Variants in PPP2R5E observed in about 807,000 individuals in gnomAD.
PPP2R5E encodes the protein serine/threonine-protein phosphatase 2A 56 kDa regulatory subunit epsilon isoform.
In PPP2R5E, 4 loss-of-function variants were observed where a neutral mutation model predicts 65.3. The observed-to-expected ratio is 0.06, with a 90% CI of 0.03 to 0.14. The LOEUF is 0.14. Among genes scored for constraint, PPP2R5E ranks in the 10% least tolerant of loss-of-function variants. The probability of loss-of-function intolerance (pLI) is 1.00; values close to 1 mark genes in which losing one functional copy is unlikely to be tolerated. For missense variants in PPP2R5E, 274 were observed against 556.1 expected (o/e 0.49, Z 5.10); for synonymous variants, 183 against 187.4 (o/e 0.98, Z 0.19).
At chr14:63,439,419 G>A (rs1888099031) in intron 3 of PPP2R5E, among the ~76,000 whole-genome samples, 1 of 151,728 alleles carries the variant, frequency 6.6e-6, no homozygotes, top group Admixed American at 6.6e-5. Context: ...TTGTTGCCCA[G>A]GCTAGAGTGC....
At chr14:63,411,153 A>T (rs1310632783) in intron 5 of PPP2R5E, among the ~76,000 whole-genome samples, 1 of 152,216 alleles carries the variant, frequency 6.6e-6, no homozygotes, top group Non-Finnish European at 1.5e-5. Context: ...TGATAAAGTT[A>T]CAAGGCCTAT....
rs1053247683 is a variant in PPP2R5E at position 63,515,133 on chromosome 14, TAGAG to T, written c.157+24392_157+24395del. 2.0e-4 allele frequency among the ~76,000 whole-genome samples: 31 copies of T among 151,842 alleles called. No homozygotes were observed. The East Asian group carries it at 4.3e-3, about 21-fold the overall frequency. On this transcript the variant is annotated intron_variant, in intron 2 of 13. Transcript: ENST00000337537. Reference sequence around the variant, plus strand: ...AAGCAAGCCCACCTGCAAAACTACTTAGAGAGGGGAAAAAAGAAGAAAAAAATAA... The same window carrying T: ...AAGCAAGCCCACCTGCAAAACTACTTAGGGGAAAAAAGAAGAAAAAAATAA...
At position 63,480,734 on chromosome 14, in the gene PPP2R5E, C is replaced by T. The variant is rs550121507; in HGVS notation, c.158-26849G>A. Among the ~76,000 whole-genome samples, 7 of 152,336 alleles carry T rather than the reference C, an allele frequency of 4.6e-5. No homozygotes were observed. In the South Asian group the frequency reaches 8.3e-4, roughly 18 times the overall value. On this transcript the variant is annotated intron_variant, in intron 2 of 13. Coordinates refer to ENST00000337537, the MANE Select transcript of PPP2R5E (RefSeq NM_006246.5). Reference sequence around the variant, plus strand: ...GTGCCGGGATTACAGGCATGAGCCACTGTGCCTGGCCAGACTCCATTTTTT... The same window carrying T: ...GTGCCGGGATTACAGGCATGAGCCATTGTGCCTGGCCAGACTCCATTTTTT...
intron 3 of PPP2R5E, 44 bp downstream of exon 3, chr14:63,453,645 T>TA: frequency 5.1e-6 from 8 of 1,576,286 alleles, no homozygotes; most frequent in Non-Finnish European, 6.9e-6. Flanking sequence ...TGAGTCACTA[T>TA]GGAAGATGCT....
chr14:63,522,681 G>A (rs1255764), intron 2 of PPP2R5E, among the ~76,000 whole-genome samples: 5,509 of 144,754 alleles, frequency 0.038, 369 homozygotes, highest in East Asian at 0.13. Flanking sequence ...CCGCGACCCC[G>A]TCTGGGAGGA....
chr14:63,541,139 A>G (rs1342453669), intron 1 of PPP2R5E, among the ~76,000 whole-genome samples: 1 of 152,270 alleles, frequency 6.6e-6, no homozygotes, highest in East Asian at 1.9e-4. Context: ...TATGTTAGCT[A>G]TGATAAACTA....
chr14:63,394,284 C>T (rs900545265), intron 7 of PPP2R5E, among the ~76,000 whole-genome samples: 4 of 151,948 alleles, frequency 2.6e-5, no homozygotes, highest in African/African-American at 9.7e-5. Context: ...GGAGTTTCAC[C>T]ATATTGTCCA....
intron 2 of PPP2R5E, among the ~76,000 whole-genome samples, chr14:63,508,833 T>C (rs1297182865): frequency 6.6e-6 from 1 of 152,212 alleles, no homozygotes; most frequent in Non-Finnish European, 1.5e-5. Flanking sequence ...AAAACATAAA[T>C]TTCCACTTCT....
Position 63,433,050 on chromosome 14 carries a change from T to G in PPP2R5E, c.355-10956A>C, listed in dbSNP as rs989313481. Among the ~76,000 whole-genome samples the G allele has an allele frequency of 8.4e-4, 123 of 146,610 alleles. 1 individual carries two copies. The highest frequency in any genetic ancestry group is 2.7e-3 in the African/African-American group (108 of 39,566). On this transcript the variant is annotated intron_variant, in intron 3 of 13. Transcript: ENST00000337537. The stretch of plus-strand genomic sequence containing the variant: ...TTGTTTTGTTTTTTTTTTTTTTTTT[T>G]TTTTTGAGACAGGGTCTCACTGTGT...
intron 2 of PPP2R5E, among the ~76,000 whole-genome samples, chr14:63,486,327 C>CACACACACAT (rs1204641238): frequency 4.0e-5 from 6 of 148,982 alleles, no homozygotes; most frequent in African/African-American, 1.5e-4. Flanking sequence ...CACACACACA[C>CACACACACAT]ATCCTTTAAA....
intron 5 of PPP2R5E, among the ~76,000 whole-genome samples, chr14:63,413,790 A>G (rs1206386510): frequency 6.6e-6 from 1 of 152,182 alleles, no homozygotes; most frequent in Non-Finnish European, 1.5e-5. Context: ...GTATCCATCT[A>G]TTTACCTACC....
intron 12 of PPP2R5E, 123 bp downstream of exon 12, chr14:63,384,321 A>T: frequency 8.5e-7 from 1 of 1,169,838 alleles, no homozygotes; most frequent in Non-Finnish European, 1.2e-6. Flanking sequence ...CCCAGAAGGT[A>T]AGGATTTTAT....
Position 63,372,958 on chromosome 14 carries a change from G to A in PPP2R5E, c.*3051C>T, listed in dbSNP as rs1049067819. 3 of 151,898 alleles carry A rather than the reference G, an allele frequency of 2.0e-5. No individual in the cohort carries two copies. Among genetic ancestry groups the A allele is most frequent in the Non-Finnish European group, 4.4e-5 (3 of 67,946 alleles). The allele number at this position is 151,898 out of a possible 1,614,324, so 9.4% of individuals were successfully genotyped here. On this transcript the variant is annotated 3_prime_UTR_variant, in exon 14 of 14. Transcript: ENST00000337537. ...TTTCTTTTATAAAAAACAGTCAAAT[G>A]TTAGGGAGAGCAAAATATAATAAAA...
intron 3 of PPP2R5E, among the ~76,000 whole-genome samples, chr14:63,445,526 T>G (rs1041319462): frequency 1.3e-5 from 2 of 151,980 alleles, no homozygotes; most frequent in Non-Finnish European, 2.9e-5. Flanking sequence ...AAGGCTGAGG[T>G]GGTTGTGGCA....
intron 4 of PPP2R5E, among the ~76,000 whole-genome samples, chr14:63,416,486 C>T (rs532962167): frequency 1.3e-5 from 2 of 152,150 alleles, no homozygotes; most frequent in South Asian, 4.1e-4. Flanking sequence ...TGCACAATGA[C>T]TAACATGTAT....
chr14:63,416,957 T>C (rs1435545355), intron 4 of PPP2R5E, among the ~76,000 whole-genome samples: 1 of 152,184 alleles, frequency 6.6e-6, no homozygotes, highest in South Asian at 2.1e-4. Context: ...TCCCACATAA[T>C]TGTAGATATT....
intron 5 of PPP2R5E, among the ~76,000 whole-genome samples, chr14:63,397,451 GCGATCGCGC>G (rs1446836472): frequency 6.9e-6 from 1 of 144,984 alleles, no homozygotes; most frequent in Non-Finnish European, 1.5e-5. Flanking sequence ...ACAGTGAGCT[GCGATCGCGC>G]CATTGCACTC....
intron 3 of PPP2R5E, among the ~76,000 whole-genome samples, chr14:63,447,983 T>C (rs1294031609): frequency 2.6e-5 from 4 of 152,230 alleles, no homozygotes; most frequent in African/African-American, 4.8e-5. Flanking sequence ...GCACATTTCA[T>C]GGTGTCCCAA....
At chr14:63,452,923 C>T (rs936698259) in intron 3 of PPP2R5E, 1 of 152,238 alleles carries the variant, frequency 6.6e-6, no homozygotes, top group East Asian at 1.9e-4. Context: ...GGCTATTTCA[C>T]CAGTCAGTAG....
Sources: gnomAD v4.1 joint callset for allele counts (sites outside exome capture counted in the v4.1 genomes callset) on GRCh38, gnomAD v4.1.1 for gene constraint, MANE v1.5 for transcripts, NCBI Gene and HGNC (gene_info 2026-07-23, HGNC 2026-07-21) for gene names.